PARD6G: variants seen among roughly 807,000 people sequenced by gnomAD.
PARD6G encodes the protein partitioning defective 6 homolog gamma.
In PARD6G, 7 loss-of-function variants were observed where a neutral mutation model predicts 10.7. That is an observed-to-expected ratio of 0.66 (90% CI 0.37 to 1.23). The LOEUF is 1.23. Among genes scored for constraint, PARD6G ranks in the 50% most tolerant of loss-of-function variants. The pLI, the probability that PARD6G is intolerant of heterozygous loss-of-function variation, is 0.02. For synonymous variants in PARD6G, 287 were observed against 269.4 expected (o/e 1.07, Z -0.64); for missense variants, 548 against 571.8 (o/e 0.96, Z 0.42).
In PARD6G at chr18:80,231,226, G is replaced by C. The variant is rs900699474; in HGVS notation, c.72+16051C>G. Reference sequence around the variant, plus strand: ...CTCTAGTGCTGAGAGGTAGGGCCAGGGGAAAGGTGCTGGGGGTTGGCCTGG... The same window carrying C: ...CTCTAGTGCTGAGAGGTAGGGCCAGCGGAAAGGTGCTGGGGGTTGGCCTGG... On this transcript the variant is annotated intron_variant, in intron 1 of 2. Transcript: ENST00000353265. This position sits in a 1 kb window ranked among gnomAD's most constrained non-coding sequence, Gnocchi z 4.2. Among the ~76,000 whole-genome samples the C allele has an allele frequency of 1.3e-5, 2 of 152,230 alleles. No individual in the cohort carries two copies. The highest frequency in any genetic ancestry group is 2.9e-5 in the Non-Finnish European group (2 of 68,040).
chr18:80,234,574 A>G (rs1017360795), intron 1 of PARD6G, among the ~76,000 whole-genome samples: 5 of 152,106 alleles, frequency 3.3e-5, no homozygotes, highest in Non-Finnish European at 5.9e-5. Flanking sequence ...GGTAAGATCA[A>G]TGACCGAGAT....
intron 1 of PARD6G, among the ~76,000 whole-genome samples, chr18:80,219,352 G>C (rs967207866): frequency 3.9e-5 from 6 of 152,116 alleles, no homozygotes; most frequent in Non-Finnish European, 7.3e-5. Context: ...AGGATTACAG[G>C]TGCCTGCCAC....
intron 2 of PARD6G, among the ~76,000 whole-genome samples, chr18:80,185,655 C>A (rs2145266854): frequency 6.6e-6 from 1 of 151,144 alleles, no homozygotes; most frequent in Middle Eastern, 3.4e-3. Context: ...CATATACCCT[C>A]ATATATGCTT....
At chr18:80,237,792 A>G (rs1267239633) in intron 1 of PARD6G, among the ~76,000 whole-genome samples, 3 of 152,312 alleles carry the variant, frequency 2.0e-5, no homozygotes, top group South Asian at 2.1e-4. Flanking sequence ...CAAAACCACA[A>G]TGAGATACCA....
In PARD6G at chr18:80,199,456, C is replaced by T. The variant is rs535811444; in HGVS notation, c.295+3254G>A. 3.7e-4 allele frequency among the ~76,000 whole-genome samples: 56 copies of T among 152,270 alleles called. 1 individual carries two copies. In the South Asian group the frequency reaches 0.011, roughly 29 times the overall value. On this transcript the variant is annotated intron_variant, in intron 2 of 2. Coordinates refer to ENST00000353265, the MANE Select transcript of PARD6G (RefSeq NM_032510.4). ...AGCTGATGGACGCGTGGGCTGTTCT[C>T]GCCTTATGGATATTGTGAATAATGT...
At chr18:80,199,348 C>T (rs1161086720) in intron 2 of PARD6G, among the ~76,000 whole-genome samples, 1 of 152,200 alleles carries the variant, frequency 6.6e-6, no homozygotes, top group South Asian at 2.1e-4. Flanking sequence ...CATGTGTCAG[C>T]GCATCATTTT....
chr18:80,230,070 A>T (rs112485385), intron 1 of PARD6G, among the ~76,000 whole-genome samples: 3,910 of 152,314 alleles, frequency 0.026, 159 homozygotes, highest in African/African-American at 0.089. Context: ...GTGGGGTCAC[A>T]TGCCCAGCTC....
intron 2 of PARD6G, chr18:80,169,825 C>A (rs1382102071): frequency 1.3e-5 from 2 of 152,218 alleles, no homozygotes; most frequent in African/African-American, 4.8e-5. Context: ...CGCCATGGTC[C>A]CCTGGTGAAT....
In PARD6G at chr18:80,246,196, G is replaced by A. The variant is rs1339744214; in HGVS notation, c.72+1081C>T. ...CCTTTCCCACAACTCTGAGAACCGGGGTGCGAAGAAAGAAAGGGCGAAAGG... is the reference window on the plus strand; with the variant it reads ...CCTTTCCCACAACTCTGAGAACCGGAGTGCGAAGAAAGAAAGGGCGAAAGG... On this transcript the variant is annotated intron_variant, in intron 1 of 2. Transcript: ENST00000353265. This position sits in a 1 kb window ranked among gnomAD's most constrained non-coding sequence, Gnocchi z 6.7. 6.6e-6 allele frequency among the ~76,000 whole-genome samples: 1 copy of A among 152,068 alleles called. No homozygotes were observed. The highest frequency in any genetic ancestry group is 2.4e-5 in the African/African-American group (1 of 41,398).
rs562048164 is a variant in PARD6G at position 80,183,496 on chromosome 18, C to T, written c.295+19214G>A. On this transcript the variant is annotated intron_variant, in intron 2 of 2. Transcript: ENST00000353265. This position sits in a 1 kb window ranked among gnomAD's most constrained non-coding sequence, Gnocchi z 4.5. ...CAGCTGAGTCCCCCAAGGCTCAGCA[C>T]GTGATCCTGCCGGTCGTACACACAG... Among the ~76,000 whole-genome samples the T allele has an allele frequency of 3.1e-4, 47 of 152,258 alleles. 1 individual carries two copies. The highest frequency in any genetic ancestry group is 3.2e-4 in the Non-Finnish European group (22 of 68,020).
chr18:80,240,662 C>T (rs78390442), intron 1 of PARD6G, among the ~76,000 whole-genome samples: 3,833 of 152,260 alleles, frequency 0.025, 158 homozygotes, highest in African/African-American at 0.088. Context: ...TCTCAAACCA[C>T]CTCACACAGG....
chr18:80,197,675 A>C (rs1477265315), intron 2 of PARD6G: 2 of 152,206 alleles, frequency 1.3e-5, no homozygotes, highest in African/African-American at 4.8e-5. Flanking sequence ...TAGCATTTGC[A>C]GAGTTTATTT....
Position 80,157,605 on chromosome 18 carries a change from C to G in PARD6G, c.*2166G>C, listed in dbSNP as rs2052664323. ...GGTAACATTATTAGTTTTAGTTCCACAAAAACTGCTTCTGACTGCTGGGGC... is the reference window on the plus strand; with the variant it reads ...GGTAACATTATTAGTTTTAGTTCCAGAAAAACTGCTTCTGACTGCTGGGGC... On this transcript the variant is annotated 3_prime_UTR_variant, in exon 3 of 3. Transcript: ENST00000353265. The G allele has an allele frequency of 6.6e-6, 1 of 152,164 alleles. No homozygotes were observed. Among genetic ancestry groups the G allele is most frequent in the Admixed American group, 6.5e-5 (1 of 15,268 alleles). 9.4% of individuals were successfully genotyped at this position (152,164 alleles called of 1,614,324 possible).
chr18:80,198,869 C>T (rs1966982175), intron 2 of PARD6G, among the ~76,000 whole-genome samples: 1 of 152,180 alleles, frequency 6.6e-6, no homozygotes, highest in Non-Finnish European at 1.5e-5. Flanking sequence ...GGTAGACAGT[C>T]CTTTCTATTT....
chr18:80,205,675 AG>A (rs1967047808), intron 1 of PARD6G, among the ~76,000 whole-genome samples: 1 of 152,102 alleles, frequency 6.6e-6, no homozygotes, highest in African/African-American at 2.4e-5. Flanking sequence ...CATGAGTAAA[AG>A]CTCCCTGAGG....
chr18:80,196,259 TAA>T (rs1966955246), intron 2 of PARD6G, among the ~76,000 whole-genome samples: 1 of 152,198 alleles, frequency 6.6e-6, no homozygotes, highest in Non-Finnish European at 1.5e-5. Flanking sequence ...CCTGTTTGTG[TAA>T]AACTACGTCC....
chr18:80,185,459 A>G (rs1018096513), intron 2 of PARD6G, among the ~76,000 whole-genome samples: 1 of 152,130 alleles, frequency 6.6e-6, no homozygotes, highest in Non-Finnish European at 1.5e-5. Flanking sequence ...TGTATTAAGA[A>G]GTAATTTTAA....
rs1003270328 is a variant in PARD6G at position 80,188,510 on chromosome 18, C to T, written c.295+14200G>A. The stretch of plus-strand genomic sequence containing the variant: ...CCCCAAGTTCTGACAGCCCAAAACC[C>T]GGCAGGACCCTCCTAGTACAGGCGC... On this transcript the variant is annotated intron_variant, in intron 2 of 2. Coordinates refer to ENST00000353265, the MANE Select transcript of PARD6G (RefSeq NM_032510.4). The surrounding 1 kb of genome is among the most constrained non-coding windows in gnomAD (Gnocchi z 5.4). Among the ~76,000 whole-genome samples the T allele has an allele frequency of 5.3e-5, 8 of 152,334 alleles. No individual in the cohort carries two copies. The highest frequency in any genetic ancestry group is 2.1e-4 in the South Asian group (1 of 4,828).
At chr18:80,238,159 C>T (rs1011326755) in intron 1 of PARD6G, among the ~76,000 whole-genome samples, 1 of 152,112 alleles carries the variant, frequency 6.6e-6, no homozygotes, top group Non-Finnish European at 1.5e-5. Flanking sequence ...TACTATGCAG[C>T]CATAAAAAAT....
Sources: allele counts gnomAD v4.1 joint callset (sites outside exome capture counted in the v4.1 genomes callset), GRCh38; gene constraint gnomAD v4.1.1; non-coding constraint Gnocchi (gnomAD v3.1); transcripts MANE v1.5; gene names NCBI Gene and HGNC (gene_info 2026-07-23, HGNC 2026-07-21).